Variants in UBE2D2 observed in about 807,000 individuals in gnomAD.
The protein encoded by UBE2D2 is ubiquitin-conjugating enzyme E2 D2.
UBE2D2 carries 2 observed loss-of-function variants against 24.2 expected under a neutral mutation model. The ratio of observed to expected loss-of-function variants is 0.08; its 90% CI spans 0.03 to 0.26. The LOEUF (loss-of-function observed/expected upper bound fraction) is 0.26, where lower values mean the gene tolerates loss of function less well. Among genes scored for constraint, UBE2D2 ranks in the 10% least tolerant of loss-of-function variants. UBE2D2 has a pLI of 1.00. For synonymous variants in UBE2D2, 58 were observed against 56.5 expected (o/e 1.03, Z -0.12); for missense variants, 44 against 177.6 (o/e 0.25, Z 4.28).
chr5:139,593,374 A>G (rs1753887357), intron 1 of UBE2D2, among the ~76,000 whole-genome samples: 2 of 152,138 alleles, frequency 1.3e-5, no homozygotes, highest in Non-Finnish European at 2.9e-5. Context: ...AGAACACTCA[A>G]GTCCTTACCC....
intron 1 of UBE2D2, among the ~76,000 whole-genome samples, chr5:139,575,181 G>C (rs1380787972): frequency 6.6e-6 from 1 of 152,138 alleles, no homozygotes; most frequent in Non-Finnish European, 1.5e-5. Context: ...ATGTATTTCA[G>C]CTGGTGAAGA....
intron 1 of UBE2D2, among the ~76,000 whole-genome samples, chr5:139,585,254 G>T (rs563127754): frequency 4.8e-4 from 71 of 147,556 alleles, no homozygotes; most frequent in African/African-American, 1.3e-3. Context: ...CATCCCCCAA[G>T]ATGGTTGGAG....
chr5:139,555,110 A>G (rs1752964047), intron 1 of UBE2D2: 1 of 152,390 alleles, frequency 6.6e-6, no homozygotes, highest in South Asian at 2.1e-4. Context: ...CAATGGCACA[A>G]TCTTGGCTAA....
At chr5:139,551,083 A>C (rs1225597653) in intron 1 of UBE2D2, among the ~76,000 whole-genome samples, 1 of 152,120 alleles carries the variant, frequency 6.6e-6, no homozygotes, top group Non-Finnish European at 1.5e-5. Flanking sequence ...GGGAGGTCAC[A>C]CCTGTAATCC....
Position 139,542,726 on chromosome 5 carries a change from A to T in UBE2D2, c.-64+16114A>T, listed in dbSNP as rs921903433. Among the ~76,000 whole-genome samples the T allele has an allele frequency of 2.0e-5, 3 of 152,232 alleles. No individual in the cohort carries two copies. The East Asian group carries it at 5.8e-4, about 29-fold the overall frequency. On this transcript the variant is annotated intron_variant, in intron 1 of 6. Coordinates refer to the UBE2D2 transcript ENST00000511725. ...GGTAGAAGTAACCCAAGTGTCCATC[A>T]GCAGATGAAGGGATAAACATAATAA...
chr5:139,545,399 G>A (rs958805011), intron 1 of UBE2D2, among the ~76,000 whole-genome samples: 4 of 146,518 alleles, frequency 2.7e-5, no homozygotes, highest in African/African-American at 5.0e-5. Context: ...TTACTATTGC[G>A]TGTTACCAGA....
chr5:139,568,320 T>A (rs1561505251), intron 1 of UBE2D2, among the ~76,000 whole-genome samples: 1 of 150,176 alleles, frequency 6.7e-6, no homozygotes, highest in Non-Finnish European at 1.5e-5. Flanking sequence ...CTCCAGCCTT[T>A]GCAACAGCGA....
chr5:139,543,321 A>G (rs1306476002), intron 1 of UBE2D2, among the ~76,000 whole-genome samples: 1 of 152,214 alleles, frequency 6.6e-6, no homozygotes, highest in East Asian at 1.9e-4. Flanking sequence ...CATTAGTTAC[A>G]TTATTCTGGA....
chr5:139,573,642 G>T (rs2126657618), intron 1 of UBE2D2, among the ~76,000 whole-genome samples: 1 of 152,026 alleles, frequency 6.6e-6, no homozygotes, highest in African/African-American at 2.4e-5. Flanking sequence ...GACTACTTGG[G>T]CTTAGGAATC....
At chr5:139,555,336 C>T (rs917040156) in intron 1 of UBE2D2, among the ~76,000 whole-genome samples, 3 of 151,918 alleles carry the variant, frequency 2.0e-5, no homozygotes, top group Non-Finnish European at 4.4e-5. Flanking sequence ...TCACTGCACC[C>T]GGCCTAACTT....
chr5:139,549,330 G>T (rs895570648), intron 1 of UBE2D2, among the ~76,000 whole-genome samples: 1 of 152,160 alleles, frequency 6.6e-6, no homozygotes, highest in Admixed American at 6.5e-5. Flanking sequence ...CTCTGCTTGC[G>T]GGGAGGTGTG....
At chr5:139,570,049 A>G (rs1753317580) in intron 1 of UBE2D2, among the ~76,000 whole-genome samples, 1 of 152,108 alleles carries the variant, frequency 6.6e-6, no homozygotes, top group African/African-American at 2.4e-5. Flanking sequence ...TGTACCTAGG[A>G]GTTCAAGACC....
intron 1 of UBE2D2, among the ~76,000 whole-genome samples, chr5:139,548,193 A>AAAAAAAAATAAAAT: frequency 2.1e-5 from 1 of 47,104 alleles, no homozygotes. Flanking sequence ...ATAAAAAAAA[A>AAAAAAAAATAAAAT]AAATAAATAA....
chr5:139,591,280 C>G (rs1753841584), intron 1 of UBE2D2, among the ~76,000 whole-genome samples: 1 of 150,464 alleles, frequency 6.6e-6, no homozygotes, highest in Non-Finnish European at 1.5e-5. Flanking sequence ...ACCACCACGC[C>G]CAGCTAACTT....
At chr5:139,571,868 C>T (rs1311010594) in intron 1 of UBE2D2, among the ~76,000 whole-genome samples, 1 of 150,256 alleles carries the variant, frequency 6.7e-6, no homozygotes, top group African/African-American at 2.4e-5. Context: ...TGTTTTCATA[C>T]TTCCAATCTC....
intron 1 of UBE2D2, among the ~76,000 whole-genome samples, chr5:139,539,739 C>T (rs1253933752): frequency 6.7e-6 from 1 of 149,258 alleles, no homozygotes; most frequent in Non-Finnish European, 1.5e-5. Context: ...CTACAAGTGC[C>T]CGCCACCATG....
intron 2 of UBE2D2, among the ~76,000 whole-genome samples, chr5:139,601,887 G>A (rs561133021): frequency 2.0e-5 from 3 of 149,240 alleles, no homozygotes; most frequent in South Asian, 2.1e-4. Context: ...TCCAGCCTGC[G>A]TGACAGAGTG....
intron 1 of UBE2D2, among the ~76,000 whole-genome samples, chr5:139,532,887 A>G (rs2126627347): frequency 6.6e-6 from 1 of 152,114 alleles, no homozygotes; most frequent in South Asian, 2.1e-4. Context: ...CGGGTGGATC[A>G]CCTGAGATCA....
intron 2 of UBE2D2, among the ~76,000 whole-genome samples, chr5:139,607,026 G>C (rs1754214418): frequency 6.6e-6 from 1 of 152,064 alleles, no homozygotes. Context: ...GGCTGGTCTT[G>C]AACTCCTGAC....
Sources: gnomAD v4.1 joint callset for allele counts (sites outside exome capture counted in the v4.1 genomes callset) on GRCh38, gnomAD v4.1.1 for gene constraint, MANE v1.5 for transcripts, NCBI Gene and HGNC (gene_info 2026-07-23, HGNC 2026-07-21) for gene names.